The following ENOPH1 variants were observed in gnomAD, a reference collection of about 807,000 sequenced individuals.
The protein encoded by ENOPH1 is enolase-phosphatase E1.
ENOPH1 carries 14 observed loss-of-function variants against 31.1 expected under a neutral mutation model. The ratio of observed to expected loss-of-function variants is 0.45; its 90% CI spans 0.30 to 0.70. The LOEUF (loss-of-function observed/expected upper bound fraction) is 0.70. Among genes scored for constraint, ENOPH1 ranks in the 30% least tolerant of loss-of-function variants. ENOPH1 has a pLI of 0.09. For synonymous variants in ENOPH1, 127 were observed against 123.2 expected (o/e 1.03, Z -0.21); for missense variants, 243 against 321.5 (o/e 0.76, Z 1.87).
chr4:82,456,868 A>C, intron 4 of ENOPH1, 47 bp from the exon 5 acceptor site: 4 of 1,604,424 alleles, frequency 2.5e-6, no homozygotes, highest in Non-Finnish European at 3.4e-6. Context: ...CATGAGGGGC[A>C]TGCAAGTGTA....
chr4:82,438,599 G>A (rs755574645), intron 1 of ENOPH1, among the ~76,000 whole-genome samples: 3 of 152,220 alleles, frequency 2.0e-5, no homozygotes, highest in Non-Finnish European at 4.4e-5. Context: ...ACTGTGGTGA[G>A]GTGTGATTGT....
Position 82,448,018 on chromosome 4 carries a change from A to G in ENOPH1, c.183A>G (p.Lys61=), listed in dbSNP as rs1722240280. Residue 61 remains lysine, a synonymous_variant, in exon 2 of 6, where the codon AAA becomes AAG. Coordinates refer to ENST00000273920, the MANE Select transcript of ENOPH1 (RefSeq NM_021204.5). ...ECQQDVSLLR[K]QAEEDAHLDG... is the part of the protein sequence containing the mutation. The stretch of plus-strand genomic sequence containing the variant: ...AGCAGGATGTCAGTCTTTTGAGGAA[A>G]CAGGTTGGGACATTTCTGTCTTAAA... The G allele has an allele frequency of 6.2e-7, 1 of 1,603,292 alleles. No individual in the cohort carries two copies. The highest frequency in any genetic ancestry group is 8.5e-7 in the Non-Finnish European group (1 of 1,171,194).
chr4:82,432,495 C>T (rs1253876318), intron 1 of ENOPH1, among the ~76,000 whole-genome samples: 4 of 152,136 alleles, frequency 2.6e-5, no homozygotes, highest in Non-Finnish European at 5.9e-5. Flanking sequence ...CAGACATGTG[C>T]CACCACACCC....
intron 1 of ENOPH1, among the ~76,000 whole-genome samples, chr4:82,432,938 A>G (rs189115754): frequency 1.3e-5 from 2 of 152,174 alleles, no homozygotes; most frequent in East Asian, 3.9e-4. Flanking sequence ...CACACCAGAG[A>G]CCTCTGCGGA....
intron 1 of ENOPH1, among the ~76,000 whole-genome samples, chr4:82,437,942 A>AT (rs1201180675): frequency 1.3e-5 from 2 of 152,230 alleles, no homozygotes; most frequent in Non-Finnish European, 2.9e-5. Context: ...TATTTGAACA[A>AT]TTTAACTGAA....
intron 3 of ENOPH1, among the ~76,000 whole-genome samples, chr4:82,453,146 C>T (rs913899533): frequency 6.6e-6 from 1 of 151,680 alleles, no homozygotes; most frequent in South Asian, 2.1e-4. Flanking sequence ...TGTGATCCGC[C>T]CCCCCTTGGC....
intron 1 of ENOPH1, among the ~76,000 whole-genome samples, chr4:82,447,558 AT>A (rs1722228337): frequency 6.6e-6 from 1 of 152,190 alleles, no homozygotes; most frequent in Non-Finnish European, 1.5e-5. Flanking sequence ...CAGACAGTGA[AT>A]ATTTTAGGCT....
intron 5 of ENOPH1, among the ~76,000 whole-genome samples, chr4:82,458,493 G>A (rs907820986): frequency 6.6e-6 from 1 of 152,152 alleles, no homozygotes; most frequent in African/African-American, 2.4e-5. Context: ...CTGAGCGACA[G>A]AGAGAGACCC....
Position 82,430,746 on chromosome 4 carries a change from C to T in ENOPH1, c.-84C>T. 2 of 1,333,454 alleles carry T rather than the reference C, an allele frequency of 1.5e-6. No individual in the cohort carries two copies. The highest frequency in any genetic ancestry group is 1.2e-5 in the South Asian group (1 of 84,210). 82.6% of individuals were successfully genotyped at this position (1,333,454 alleles called of 1,614,324 possible). ...GCGCGGGGCCGCCGGAAGCCCAAGACGGTACCGGGGGCCGCAGCCGCAGCC... is the reference window on the plus strand; with the variant it reads ...GCGCGGGGCCGCCGGAAGCCCAAGATGGTACCGGGGGCCGCAGCCGCAGCC... On this transcript the variant is annotated 5_prime_UTR_variant, in exon 1 of 6. In the 5' UTR this introduces an upstream ATG that the reference lacks. Coordinates refer to ENST00000273920, the MANE Select transcript of ENOPH1 (RefSeq NM_021204.5).
chr4:82,455,023 T>C (rs1722447280), intron 4 of ENOPH1, among the ~76,000 whole-genome samples, 169 bp downstream of exon 4: 1 of 152,204 alleles, frequency 6.6e-6, no homozygotes, highest in Non-Finnish European at 1.5e-5. Flanking sequence ...CAGTTTCTTC[T>C]ATATAAGGTT....
intron 2 of ENOPH1, among the ~76,000 whole-genome samples, chr4:82,450,498 A>G (rs1722320958): frequency 6.6e-6 from 1 of 152,236 alleles, no homozygotes; most frequent in African/African-American, 2.4e-5. Flanking sequence ...ATAAATATGT[A>G]CACATGTATC....
At chr4:82,439,059 A>G (rs1382214931) in intron 1 of ENOPH1, among the ~76,000 whole-genome samples, 1 of 152,064 alleles carries the variant, frequency 6.6e-6, no homozygotes, top group Non-Finnish European at 1.5e-5. Context: ...GTCGTGTGGA[A>G]AGTTGGTAGC....
At chr4:82,440,810 A>G (rs891259389) in intron 1 of ENOPH1, among the ~76,000 whole-genome samples, 2 of 152,198 alleles carry the variant, frequency 1.3e-5, no homozygotes, top group African/African-American at 4.8e-5. Context: ...TCAGCACCAC[A>G]TTGATTAATT....
chr4:82,458,234 C>T (rs748798589), intron 5 of ENOPH1, among the ~76,000 whole-genome samples: 42 of 152,242 alleles, frequency 2.8e-4, no homozygotes, highest in African/African-American at 8.9e-4. Context: ...TGGCTGGGCG[C>T]GGTAACTCAC....
chr4:82,455,576 C>G (rs1422093284), intron 4 of ENOPH1, among the ~76,000 whole-genome samples: 4 of 151,718 alleles, frequency 2.6e-5, no homozygotes, highest in East Asian at 1.9e-4. Context: ...GTCAGGAGAT[C>G]GAGACCATCC....
intron 1 of ENOPH1, among the ~76,000 whole-genome samples, chr4:82,438,225 T>C (rs947847542): frequency 2.0e-5 from 3 of 152,194 alleles, no homozygotes; most frequent in African/African-American, 7.2e-5. Flanking sequence ...GAGTATGATA[T>C]AGAGAGTGAA....
At chr4:82,444,379 G>A (rs1227752686) in intron 1 of ENOPH1, among the ~76,000 whole-genome samples, 2 of 152,130 alleles carry the variant, frequency 1.3e-5, no homozygotes, top group South Asian at 2.1e-4. Context: ...GTACCACCAC[G>A]CCCCGACTAA....
At chr4:82,440,423 T>A (rs997001539) in intron 1 of ENOPH1, among the ~76,000 whole-genome samples, 3 of 152,206 alleles carry the variant, frequency 2.0e-5, no homozygotes, top group Non-Finnish European at 4.4e-5. Flanking sequence ...GGTGTTGGGA[T>A]TTGATAGGCC....
intron 1 of ENOPH1, among the ~76,000 whole-genome samples, chr4:82,434,646 G>A (rs1468364491): frequency 2.0e-5 from 3 of 152,150 alleles, no homozygotes; most frequent in Non-Finnish European, 4.4e-5. Flanking sequence ...CCCAGGAGGT[G>A]GAGGTTGCAG....
Sources: allele counts gnomAD v4.1 joint callset (sites outside exome capture counted in the v4.1 genomes callset), GRCh38; gene constraint gnomAD v4.1.1; transcripts MANE v1.5; gene names NCBI Gene and HGNC (gene_info 2026-07-23, HGNC 2026-07-21).